STX8: variants seen among roughly 807,000 people sequenced by gnomAD.
STX8 encodes syntaxin-8.
STX8 carries 23 observed loss-of-function variants against 37.5 expected under a neutral mutation model. That is an observed-to-expected ratio of 0.61 (90% CI 0.44 to 0.87). The LOEUF (loss-of-function observed/expected upper bound fraction) is 0.87. Ranked by LOEUF, STX8 falls within the 40% of genes least tolerant of loss-of-function variation. The pLI is 0.00. For synonymous variants in STX8, 115 were observed against 99.1 expected (o/e 1.16, Z -0.95); for missense variants, 313 against 284.7 (o/e 1.10, Z -0.71).
At chr17:9,385,091 A>G (rs909605074) in intron 6 of STX8, among the ~76,000 whole-genome samples, 1 of 152,114 alleles carries the variant, frequency 6.6e-6, no homozygotes, top group Admixed American at 6.5e-5. Flanking sequence ...ACATAAAAAG[A>G]CTATCCACAA....
At chr17:9,570,132 T>A (rs1303243378) in intron 1 of STX8, among the ~76,000 whole-genome samples, 5 of 152,112 alleles carry the variant, frequency 3.3e-5, no homozygotes, top group Non-Finnish European at 7.3e-5. Flanking sequence ...AATTTTTGCT[T>A]GAGTAAACAA....
At chr17:9,404,120 G>A (rs750766067) in intron 6 of STX8, among the ~76,000 whole-genome samples, 5 of 152,034 alleles carry the variant, frequency 3.3e-5, no homozygotes, top group Non-Finnish European at 7.4e-5. Context: ...AAAATCATAA[G>A]GAAGAGAAAA....
intron 6 of STX8, among the ~76,000 whole-genome samples, chr17:9,407,480 G>C (rs1354328149): frequency 6.6e-6 from 1 of 152,110 alleles, no homozygotes; most frequent in Non-Finnish European, 1.5e-5. Flanking sequence ...TAAAATATTT[G>C]AAGGGATTTA....
chr17:9,290,394 T>C (rs2142163267), intron 7 of STX8, among the ~76,000 whole-genome samples: 1 of 152,126 alleles, frequency 6.6e-6, no homozygotes, highest in South Asian at 2.1e-4. Flanking sequence ...AACACGCAGG[T>C]ATTGGGTGTT....
At chr17:9,350,630 T>C (rs963864509) in intron 7 of STX8, among the ~76,000 whole-genome samples, 9 of 152,144 alleles carry the variant, frequency 5.9e-5, no homozygotes, top group African/African-American at 2.2e-4. Context: ...CCTCCCAGGT[T>C]CAAGTGATTC....
intron 6 of STX8, among the ~76,000 whole-genome samples, chr17:9,400,190 C>G (rs928682079): frequency 3.3e-5 from 5 of 151,392 alleles, no homozygotes; most frequent in African/African-American, 1.2e-4. Context: ...GCAAGCTCCG[C>G]CTCCCGGGTT....
chr17:9,340,808 C>T (rs1472852299), intron 7 of STX8, among the ~76,000 whole-genome samples: 3 of 150,194 alleles, frequency 2.0e-5, no homozygotes, highest in African/African-American at 7.3e-5. Context: ...CAGGCATGTG[C>T]GACTATGCCT....
intron 7 of STX8, among the ~76,000 whole-genome samples, chr17:9,372,779 ATTTTTTTTTTT>A (rs72485507): frequency 9.1e-6 from 1 of 109,562 alleles, no homozygotes; most frequent in African/African-American, 3.4e-5. Context: ...CCCAGCCCTC[ATTTTTTTTTTT>A]TTTTTTTTTT....
chr17:9,454,461 G>A (rs1198977626), intron 6 of STX8, among the ~76,000 whole-genome samples: 3 of 152,000 alleles, frequency 2.0e-5, no homozygotes, highest in Non-Finnish European at 4.4e-5. Flanking sequence ...GGCAGATCAC[G>A]AGGTCAGGAG....
chr17:9,332,976 C>T lies in STX8; in HGVS notation c.643+45576G>A, dbSNP rs555258274. On this transcript the variant is annotated intron_variant, in intron 7 of 7. Transcript: ENST00000306357. ...ACGCCCAAGGGCTTCAAGATGAGAA[C>T]GAGACACAATACTTCTTAAAGCAGA... 7.2e-5 allele frequency among the ~76,000 whole-genome samples: 11 copies of T among 152,308 alleles called. 1 individual carries two copies. The South Asian group carries it at 8.3e-4, about 11-fold the overall frequency.
intron 3 of STX8, among the ~76,000 whole-genome samples, chr17:9,551,758 G>A (rs1567607457): frequency 6.6e-6 from 1 of 152,148 alleles, no homozygotes; most frequent in East Asian, 1.9e-4. Context: ...CTGAACTGCT[G>A]TTTGGCCTTG....
At chr17:9,287,952 G>A (rs1195157238) in intron 7 of STX8, among the ~76,000 whole-genome samples, 1 of 151,670 alleles carries the variant, frequency 6.6e-6, no homozygotes, top group African/African-American at 2.4e-5. Context: ...GTTTCACCAT[G>A]TTGGCCAGGA....
chr17:9,498,662 A>T (rs948039871), intron 5 of STX8, among the ~76,000 whole-genome samples: 1 of 152,180 alleles, frequency 6.6e-6, no homozygotes. Flanking sequence ...CTACAGCCCC[A>T]TTTCACATGC....
intron 6 of STX8, among the ~76,000 whole-genome samples, chr17:9,488,819 A>AGTGTGTGTGTGTGTGT (rs1244919629): frequency 6.5e-5 from 6 of 92,428 alleles, no homozygotes; most frequent in South Asian, 3.0e-4. Flanking sequence ...AGAGAGAGAG[A>AGTGTGTGTGTGTGTGT]GAGTGTGTGT....
chr17:9,526,171 AG>A (rs1905562381), intron 4 of STX8, among the ~76,000 whole-genome samples: 3 of 43,870 alleles, frequency 6.8e-5, no homozygotes, highest in East Asian at 1.4e-3. Flanking sequence ...CAAAAGTACG[AG>A]AGACAAAGCC....
chr17:9,491,977 C>A, intron 5 of STX8, 56 bp from the exon 6 acceptor site: 3 of 1,280,766 alleles, frequency 2.3e-6, no homozygotes, highest in Non-Finnish European at 3.3e-6. Flanking sequence ...AACTTAAAGT[C>A]CATAAGTATA....
chr17:9,569,339 CAG>C (rs1182982038), intron 1 of STX8, among the ~76,000 whole-genome samples: 1 of 152,106 alleles, frequency 6.6e-6, no homozygotes, highest in African/African-American at 2.4e-5. Context: ...GATAAAGGGA[CAG>C]AGAGTGATAA....
intron 7 of STX8, among the ~76,000 whole-genome samples, chr17:9,345,850 T>TTTTTTTTTTG (rs1910514333): frequency 8.7e-6 from 1 of 115,060 alleles, no homozygotes; most frequent in South Asian, 3.4e-4. Context: ...ATGCATTCCT[T>TTTTTTTTTTG]TTTTTTTTTT....
chr17:9,485,711 G>T (rs895439803), intron 6 of STX8, among the ~76,000 whole-genome samples: 1 of 151,730 alleles, frequency 6.6e-6, no homozygotes, highest in African/African-American at 2.4e-5. Context: ...TCAGCCTCCC[G>T]AGTAGCTGGG....
Sources: allele counts gnomAD v4.1 joint callset (sites outside exome capture counted in the v4.1 genomes callset), GRCh38; gene constraint gnomAD v4.1.1; transcripts MANE v1.5; gene names NCBI Gene and HGNC (gene_info 2026-07-23, HGNC 2026-07-21).